The following RAPGEF4 variants were observed in gnomAD, a reference collection of about 807,000 sequenced individuals.
RAPGEF4 encodes RAP guanine-nucleotide-exchange factor (GEF) 4.
In RAPGEF4, 66 loss-of-function variants were observed where a neutral mutation model predicts 147.9. The ratio of observed to expected loss-of-function variants is 0.45; its 90% CI spans 0.37 to 0.55. The LOEUF (loss-of-function observed/expected upper bound fraction) is 0.55, where lower values mean the gene tolerates loss of function less well. Ranked by LOEUF, RAPGEF4 falls within the 20% of genes least tolerant of loss-of-function variation. The pLI, the probability that RAPGEF4 is intolerant of heterozygous loss-of-function variation, is 0.00. For missense variants in RAPGEF4, 1,071 were observed against 1,257.3 expected (o/e 0.85, Z 2.24); for synonymous variants, 419 against 442.7 (o/e 0.95, Z 0.67).
At chr2:172,773,996 G>A (rs545647939) in intron 1 of RAPGEF4, among the ~76,000 whole-genome samples, 1 of 152,268 alleles carries the variant, frequency 6.6e-6, no homozygotes, top group African/African-American at 2.4e-5. Flanking sequence ...TTTCGAGAGT[G>A]AATGGGGGCA....
At chr2:172,917,457 T>G (rs1346657251) in intron 4 of RAPGEF4, 8 of 583,320 alleles carry the variant, frequency 1.4e-5, no homozygotes, top group South Asian at 1.2e-4. Context: ...AAAGCTCGAG[T>G]GCCTTTTCCC....
chr2:173,042,596 C>A lies in RAPGEF4; in HGVS notation c.2853+5904C>A, dbSNP rs1684902654. On this transcript the variant is annotated intron_variant, in intron 29 of 30. Transcript: ENST00000397081. The surrounding 1 kb of genome is among the most constrained non-coding windows in gnomAD (Gnocchi z 4.2). ...CGAGATCGTGCCACTGCACTCCAAC[C>A]TGGGCAATAGAGTAAGACTCCAAAT... Among the ~76,000 whole-genome samples, 1 of 151,820 alleles carries A rather than the reference C, an allele frequency of 6.6e-6. No individual in the cohort carries two copies.
intron 6 of RAPGEF4, among the ~76,000 whole-genome samples, chr2:172,946,975 A>G (rs1046356623): frequency 6.6e-5 from 10 of 152,202 alleles, no homozygotes; most frequent in African/African-American, 2.2e-4. Context: ...ATTCTGCAAC[A>G]TGTATCATTA....
intron 10 of RAPGEF4, among the ~76,000 whole-genome samples, chr2:172,980,682 G>C (rs1189551169): frequency 6.6e-6 from 1 of 152,130 alleles, no homozygotes; most frequent in Non-Finnish European, 1.5e-5. Context: ...AGCTGTTACG[G>C]CTCAAAGGTC....
At chr2:173,023,262 C>T (rs1696292412) in intron 23 of RAPGEF4, among the ~76,000 whole-genome samples, 1 of 152,162 alleles carries the variant, frequency 6.6e-6, no homozygotes, top group South Asian at 2.1e-4. Flanking sequence ...TGCTACTCTC[C>T]CAATTACCCC....
intron 4 of RAPGEF4, among the ~76,000 whole-genome samples, chr2:172,820,680 G>A (rs1187743766): frequency 6.6e-6 from 1 of 152,186 alleles, no homozygotes; most frequent in Admixed American, 6.5e-5. Context: ...ACAAAACTGA[G>A]TGGTAAAAAT....
chr2:172,900,883 C>T (rs73977727), intron 4 of RAPGEF4, among the ~76,000 whole-genome samples: 2,317 of 152,234 alleles, frequency 0.015, 56 homozygotes, highest in East Asian at 0.11. Flanking sequence ...AAACTGTCAA[C>T]GACTAAAGTT....
At chr2:173,004,697 T>C (rs1694263445) in intron 17 of RAPGEF4, among the ~76,000 whole-genome samples, 2 of 152,088 alleles carry the variant, frequency 1.3e-5, no homozygotes, top group African/African-American at 4.8e-5. Context: ...AAAATTTTAA[T>C]TACCACAAAA....
intron 4 of RAPGEF4, among the ~76,000 whole-genome samples, chr2:172,867,230 C>T (rs1169471299): frequency 6.6e-6 from 1 of 152,072 alleles, no homozygotes; most frequent in Non-Finnish European, 1.5e-5. Context: ...ACCTCGGCCT[C>T]CCAAAGTGCT....
chr2:172,811,601 C>T (rs72908133), intron 3 of RAPGEF4, among the ~76,000 whole-genome samples: 20,515 of 152,126 alleles, frequency 0.13, 1,503 homozygotes, highest in South Asian at 0.2. Context: ...GTAAAAGAAA[C>T]GGTTATGTTA....
intron 3 of RAPGEF4, among the ~76,000 whole-genome samples, chr2:172,801,586 G>A (rs73977703): frequency 0.025 from 3,834 of 152,206 alleles, 96 homozygotes; most frequent in East Asian, 0.11. Flanking sequence ...TCACCACACT[G>A]CCCTCCCCTT....
intron 4 of RAPGEF4, among the ~76,000 whole-genome samples, chr2:172,883,885 T>G (rs1251661847): frequency 6.6e-6 from 1 of 152,148 alleles, no homozygotes; most frequent in Non-Finnish European, 1.5e-5. Context: ...TTCCTTACCT[T>G]GCATTTAGGT....
intron 10 of RAPGEF4, 83 bp from the exon 11 acceptor site, chr2:172,983,413 A>C (rs1691890716): frequency 6.5e-7 from 1 of 1,540,734 alleles, no homozygotes; most frequent in African/African-American, 1.4e-5. Flanking sequence ...TGAGCATGTT[A>C]CTGATGCCTG....
chr2:172,778,075 T>C (rs891557667), intron 1 of RAPGEF4, among the ~76,000 whole-genome samples: 1 of 152,190 alleles, frequency 6.6e-6, no homozygotes, highest in African/African-American at 2.4e-5. Context: ...GATGTAGATA[T>C]TATCTTGTTA....
At chr2:173,040,478 C>A (rs536986287) in intron 29 of RAPGEF4, among the ~76,000 whole-genome samples, 4 of 152,326 alleles carry the variant, frequency 2.6e-5, no homozygotes, top group African/African-American at 9.6e-5. Flanking sequence ...GCAGAGCTGG[C>A]AGCCTCTGTG....
chr2:173,014,089 G>T (rs1409900262), intron 17 of RAPGEF4, among the ~76,000 whole-genome samples: 9 of 152,146 alleles, frequency 5.9e-5, no homozygotes, highest in African/African-American at 1.9e-4. Context: ...ACCAACAACG[G>T]GTGGAAATGC....
At chr2:172,819,521 A>C (rs2149622561) in intron 4 of RAPGEF4, among the ~76,000 whole-genome samples, 1 of 117,420 alleles carries the variant, frequency 8.5e-6, no homozygotes, top group South Asian at 3.0e-4. Context: ...GCTGGAGTGC[A>C]GTGGCGCGAT....
intron 4 of RAPGEF4, among the ~76,000 whole-genome samples, chr2:172,891,355 CCTGATGTCTT>C (rs1450996612): frequency 6.6e-6 from 1 of 152,048 alleles, no homozygotes; most frequent in African/African-American, 2.4e-5. Context: ...GGTATGTGTC[CCTGATGTCTT>C]CTGATTTAAC....
chr2:172,982,656 C>G (rs1691811175), intron 10 of RAPGEF4, among the ~76,000 whole-genome samples: 1 of 152,108 alleles, frequency 6.6e-6, no homozygotes, highest in Non-Finnish European at 1.5e-5. Flanking sequence ...CACAACACCC[C>G]CATACCCTAC....
Sources: allele counts gnomAD v4.1 joint callset (sites outside exome capture counted in the v4.1 genomes callset), GRCh38; gene constraint gnomAD v4.1.1; non-coding constraint Gnocchi (gnomAD v3.1); transcripts MANE v1.5; gene names NCBI Gene and HGNC (gene_info 2026-07-23, HGNC 2026-07-21).